The following LCLAT1 variants were observed in gnomAD, a reference collection of about 807,000 sequenced individuals.
The protein encoded by LCLAT1 is 1-AGP acyltransferase 8.
In LCLAT1, 11 loss-of-function variants were observed where a neutral mutation model predicts 30.7. That is an observed-to-expected ratio of 0.36 (90% confidence interval 0.23 to 0.59). The LOEUF is 0.59. LCLAT1 is among the 20% of genes least tolerant of loss of function. LCLAT1 has a pLI of 0.77. For missense variants in LCLAT1, 402 were observed against 458.6 expected (o/e 0.88, Z 1.13); for synonymous variants, 155 against 151.3 (o/e 1.02, Z -0.18).
At chr2:30,637,785 T>C (rs1257810578) in intron 5 of LCLAT1, among the ~76,000 whole-genome samples, 1 of 152,114 alleles carries the variant, frequency 6.6e-6, no homozygotes, top group Non-Finnish European at 1.5e-5. Flanking sequence ...ACCATCTTGG[T>C]CAGGCTGGTC....
At chr2:30,620,593 T>G (rs912563448) in intron 5 of LCLAT1, among the ~76,000 whole-genome samples, 1 of 152,178 alleles carries the variant, frequency 6.6e-6, no homozygotes, top group Non-Finnish European at 1.5e-5. Flanking sequence ...TGATCATGCT[T>G]CCTTCTTCTC....
intron 5 of LCLAT1, among the ~76,000 whole-genome samples, chr2:30,583,052 T>C (rs1286539768): frequency 6.6e-6 from 1 of 152,256 alleles, no homozygotes; most frequent in Non-Finnish European, 1.5e-5. Context: ...TATTTTATAC[T>C]CTAATTAGCT....
chr2:30,579,770 G>C (rs1666136417), intron 5 of LCLAT1, among the ~76,000 whole-genome samples: 1 of 152,146 alleles, frequency 6.6e-6, no homozygotes, highest in Non-Finnish European at 1.5e-5. Flanking sequence ...AAGGGAATTA[G>C]AAAGAGTGGG....
intron 5 of LCLAT1, among the ~76,000 whole-genome samples, chr2:30,605,517 A>T (rs950525902): frequency 6.6e-6 from 1 of 152,176 alleles, no homozygotes; most frequent in Non-Finnish European, 1.5e-5. Context: ...TGCTGTTAAG[A>T]ACTGCTTTAG....
At chr2:30,631,094 G>C (rs760651698) in intron 5 of LCLAT1, among the ~76,000 whole-genome samples, 15 of 152,168 alleles carry the variant, frequency 9.9e-5, no homozygotes, top group Non-Finnish European at 2.1e-4. Flanking sequence ...GAAATGCATT[G>C]ACACAGCCAC....
At chr2:30,482,327 T>A (rs1376137961) in intron 1 of LCLAT1, among the ~76,000 whole-genome samples, 3 of 152,210 alleles carry the variant, frequency 2.0e-5, no homozygotes, top group African/African-American at 7.2e-5. Context: ...TAGCACTGGC[T>A]ACAACTTAAT....
intron 3 of LCLAT1, 103 bp from the exon 4 acceptor site, chr2:30,562,043 A>G (rs1431602310): frequency 1.3e-5 from 9 of 704,190 alleles, no homozygotes; most frequent in Non-Finnish European, 2.0e-5. Context: ...TTACAATAAT[A>G]AATAATATAT....
intron 1 of LCLAT1, among the ~76,000 whole-genome samples, chr2:30,494,519 CCT>C (rs1683997227): frequency 1.3e-5 from 2 of 150,944 alleles, no homozygotes; most frequent in South Asian, 4.2e-4. Flanking sequence ...AAAATATAAA[CCT>C]ATATTTTTGC....
intron 2 of LCLAT1, among the ~76,000 whole-genome samples, chr2:30,530,872 A>G (rs954672076): frequency 6.6e-6 from 1 of 152,148 alleles, no homozygotes; most frequent in African/African-American, 2.4e-5. Context: ...GTTATTTTTC[A>G]TAATGAAAAG....
At chr2:30,637,203 C>T (rs2148535969) in intron 5 of LCLAT1, among the ~76,000 whole-genome samples, 1 of 152,112 alleles carries the variant, frequency 6.6e-6, no homozygotes, top group Non-Finnish European at 1.5e-5. Context: ...GGTTGGCGGG[C>T]AGAAATGAAT....
intron 1 of LCLAT1, among the ~76,000 whole-genome samples, chr2:30,474,683 C>T (rs895954038): frequency 6.7e-6 from 1 of 148,436 alleles, no homozygotes; most frequent in East Asian, 2.0e-4. Context: ...GGGCCTCACT[C>T]TATCACCCAG....
intron 5 of LCLAT1, among the ~76,000 whole-genome samples, chr2:30,633,470 C>T (rs1572722980): frequency 6.6e-6 from 1 of 152,080 alleles, no homozygotes; most frequent in African/African-American, 2.4e-5. Context: ...GGGCGGATCA[C>T]GAGGTCAAGA....
intron 5 of LCLAT1, among the ~76,000 whole-genome samples, chr2:30,639,578 G>A (rs984465267): frequency 6.6e-6 from 1 of 152,080 alleles, no homozygotes; most frequent in South Asian, 2.1e-4. Context: ...ACAGGTGTGT[G>A]CCCCTGTAGC....
rs369116668 is a variant in LCLAT1 at position 30,476,732 on chromosome 2, C to A, written c.-5+29349C>A. 1.0e-3 allele frequency: 304 copies of A among 301,848 alleles called. 1 individual carries two copies. The highest frequency in any genetic ancestry group is 6.2e-3 in the African/African-American group (285 of 46,052). 18.7% of individuals were successfully genotyped at this position (301,848 alleles called of 1,614,324 possible). A position where few individuals can be genotyped will look rare whatever the true frequency, so the allele number is the denominator to read the frequency against. ...GTAATGTGCTTGAATCCTGAAACCA[C>A]CCCTTCCCCTGCCCCTGCCATCCAT... On this transcript the variant is annotated intron_variant, in intron 1 of 5. Coordinates refer to ENST00000379509, the MANE Select transcript of LCLAT1 (RefSeq NM_001002257.3).
intron 5 of LCLAT1, among the ~76,000 whole-genome samples, chr2:30,599,638 T>TTGAG (rs1667088978): frequency 6.6e-6 from 1 of 152,230 alleles, no homozygotes; most frequent in East Asian, 1.9e-4. Context: ...TGCTCCTGTA[T>TTGAG]TGAGTGCATA....
At chr2:30,617,120 A>G (rs1572702801) in intron 5 of LCLAT1, among the ~76,000 whole-genome samples, 1 of 152,160 alleles carries the variant, frequency 6.6e-6, no homozygotes, top group Non-Finnish European at 1.5e-5. Context: ...AGAGCCACAT[A>G]TCTACCCACA....
intron 5 of LCLAT1, among the ~76,000 whole-genome samples, chr2:30,630,699 C>T (rs1334820943): frequency 6.6e-6 from 1 of 152,152 alleles, no homozygotes; most frequent in Non-Finnish European, 1.5e-5. Flanking sequence ...TTTTTATGAA[C>T]CCTGACTCTT....
intron 5 of LCLAT1, among the ~76,000 whole-genome samples, chr2:30,612,896 C>T (rs1049995072): frequency 2.6e-5 from 4 of 151,914 alleles, no homozygotes; most frequent in Non-Finnish European, 5.9e-5. Context: ...CAGGAATACA[C>T]CAATGAATAA....
At chr2:30,461,804 T>A (rs964737862) in intron 1 of LCLAT1, among the ~76,000 whole-genome samples, 1 of 143,900 alleles carries the variant, frequency 6.9e-6, no homozygotes, top group Non-Finnish European at 1.5e-5. Flanking sequence ...GGAGTCTCGC[T>A]CTGTCGCCCA....
Sources: allele counts gnomAD v4.1 joint callset (sites outside exome capture counted in the v4.1 genomes callset), GRCh38; gene constraint gnomAD v4.1.1; transcripts MANE v1.5; gene names NCBI Gene and HGNC (gene_info 2026-07-23, HGNC 2026-07-21).